The following SLC13A5 variants were observed in gnomAD, a reference collection of about 807,000 sequenced individuals.
The protein encoded by SLC13A5 is solute carrier family 13 member 5.
In SLC13A5, 25 loss-of-function variants were observed where a neutral mutation model predicts 56.5. That is an observed-to-expected ratio of 0.44 (90% CI 0.32 to 0.62). SLC13A5 has a LOEUF of 0.62. Ranked by LOEUF, SLC13A5 falls within the 20% of genes least tolerant of loss-of-function variation. The probability of loss-of-function intolerance (pLI) is 0.04; values close to 1 mark genes in which losing one functional copy is unlikely to be tolerated. For synonymous variants in SLC13A5, 307 were observed against 301.5 expected (o/e 1.02, Z -0.19); for missense variants, 649 against 737.8 (o/e 0.88, Z 1.39).
At chr17:6,706,986 G>C (rs1973887393) in intron 2 of SLC13A5, 42 bp downstream of exon 2, 1 of 1,611,278 alleles carries the variant, frequency 6.2e-7, no homozygotes. Context: ...AAGAGAGAAG[G>C]GGAGAACCAG....
rs1973277696 is a variant in SLC13A5, at chr17:6,687,454, T to C, written c.1575+75A>G. The C allele has an allele frequency of 6.3e-7, 1 of 1,587,856 alleles. No individual in the cohort carries two copies. Among genetic ancestry groups the C allele is most frequent in the South Asian group, 1.1e-5 (1 of 87,112 alleles). On this transcript the variant is annotated intron_variant, in intron 11 of 11. Transcript: ENST00000433363. This position sits in a 1 kb window ranked among gnomAD's most constrained non-coding sequence, Gnocchi z 5.0. ...CACATGACATCGTTTTGAAACTCTG[T>C]CATTCATAAATGGGGCATCCCTTAT...
At chr17:6,710,911 C>T (rs1974004063) in intron 1 of SLC13A5, among the ~76,000 whole-genome samples, 1 of 151,966 alleles carries the variant, frequency 6.6e-6, no homozygotes, top group Non-Finnish European at 1.5e-5. Context: ...AAACCTTTTA[C>T]ATTTTAATAA....
At chr17:6,699,081 AAAT>A (rs1380255457) in intron 6 of SLC13A5, among the ~76,000 whole-genome samples, 1,568 of 117,962 alleles carry the variant, frequency 0.013, 28 homozygotes, top group African/African-American at 0.046. Context: ...ATAAATAAAT[AAAT>A]AAATAAAATA....
intron 5 of SLC13A5, among the ~76,000 whole-genome samples, chr17:6,702,563 T>C (rs1443867267): frequency 4.6e-5 from 7 of 152,210 alleles, no homozygotes; most frequent in Non-Finnish European, 5.9e-5. Flanking sequence ...GGGAGTCTTT[T>C]AGAGGTGTCT....
chr17:6,693,178 A>AACACACACACACACACAC lies in SLC13A5; in HGVS notation c.1157-34_1157-17dup, dbSNP rs200900896. On this transcript the variant is annotated splice_polypyrimidine_tract_variant and intron_variant, in intron 8 of 11. Coordinates refer to ENST00000433363, the MANE Select transcript of SLC13A5 (RefSeq NM_177550.5). ...GTTTTCCTTTCTGGGAAGAAAAAGA[A>AACACACACACACACACAC]ACACACACACACACACACACACACA... 6.7e-5 allele frequency: 47 copies of AACACACACACACACACAC among 697,950 alleles called. No homozygotes were observed. Among genetic ancestry groups the AACACACACACACACACAC allele is most frequent in the Admixed American group, 3.6e-4 (13 of 36,276 alleles). 43.2% of individuals were successfully genotyped at this position (697,950 alleles called of 1,614,324 possible).
rs1234208123 is a variant in SLC13A5, at chr17:6,701,802, C to T, written c.717-676G>A. Among the ~76,000 whole-genome samples, 1 of 152,232 alleles carries T rather than the reference C, an allele frequency of 6.6e-6. No individual in the cohort carries two copies. The highest frequency in any genetic ancestry group is 1.9e-4 in the East Asian group (1 of 5,190). Reference sequence around the variant, plus strand: ...CTGCAGAGACCTCAGCAATCTCGCTCTGTGGGTTTCTGCAAAGAACGGTCC... The same window carrying T: ...CTGCAGAGACCTCAGCAATCTCGCTTTGTGGGTTTCTGCAAAGAACGGTCC... On this transcript the variant is annotated intron_variant, in intron 5 of 11. Coordinates refer to ENST00000433363, the MANE Select transcript of SLC13A5 (RefSeq NM_177550.5). This position sits in a 1 kb window ranked among gnomAD's most constrained non-coding sequence, Gnocchi z 4.1.
intron 3 of SLC13A5, 45 bp from the exon 4 acceptor site, chr17:6,704,101 A>C (rs1597673272): frequency 6.4e-7 from 1 of 1,568,980 alleles, no homozygotes; most frequent in Non-Finnish European, 8.6e-7. Flanking sequence ...TCCCCACCCC[A>C]CCCCCGTACT....
In SLC13A5 at chr17:6,687,401, G is replaced by T. The variant is rs1168370215; in HGVS notation, c.1575+128C>A. ...TTATAAATGTCAACAATGGCTACAG[G>T]TCTGGATGTTCCGTGGCATTCCCAA... On this transcript the variant is annotated intron_variant, in intron 11 of 11. Coordinates refer to ENST00000433363, the MANE Select transcript of SLC13A5 (RefSeq NM_177550.5). This position sits in a 1 kb window ranked among gnomAD's most constrained non-coding sequence, Gnocchi z 5.0. The T allele has an allele frequency of 5.5e-6, 7 of 1,262,232 alleles. No homozygotes were observed. The Admixed American group carries it at 1.2e-4, about 22-fold the overall frequency. The allele number at this position is 1,262,232 out of a possible 1,614,324, so 78.2% of individuals were successfully genotyped here.
intron 3 of SLC13A5, chr17:6,705,699 G>T (rs983143457): frequency 8.5e-5 from 13 of 152,180 alleles, no homozygotes; most frequent in African/African-American, 2.9e-4. Flanking sequence ...GTGTGCTCAG[G>T]GTCTAGCACA....
rs908193998 is a variant in SLC13A5 at position 6,687,477 on chromosome 17, T to C, written c.1575+52A>G. ...TGTCATTCATAAATGGGGCATCCCT[T>C]ATGACAACAGCGTTATAGTCCGACG... On this transcript the variant is annotated intron_variant, in intron 11 of 11. Coordinates refer to ENST00000433363, the MANE Select transcript of SLC13A5 (RefSeq NM_177550.5). The surrounding 1 kb of genome is among the most constrained non-coding windows in gnomAD (Gnocchi z 5.0). 6.2e-7 allele frequency: 1 copy of C among 1,604,582 alleles called. No homozygotes were observed. Among genetic ancestry groups the C allele is most frequent in the Non-Finnish European group, 8.5e-7 (1 of 1,176,790 alleles).
rs1160370914 is a variant in SLC13A5, at chr17:6,711,950, TCCAGGGCCTGTGCTAGGCCCAC to T, written c.102+1260_102+1281del. On this transcript the variant is annotated intron_variant, in intron 1 of 11. Transcript: ENST00000433363. This position sits in a 1 kb window ranked among gnomAD's most constrained non-coding sequence, Gnocchi z 4.0. Reference sequence around the variant, plus strand: ...AGTTGGATCTGCTGTCCTTGACCCATCCAGGGCCTGTGCTAGGCCCACCCAAGGGCTCCTCCCAGTCTCCCCC... The same window carrying T: ...AGTTGGATCTGCTGTCCTTGACCCATCCAAGGGCTCCTCCCAGTCTCCCCC... Among the ~76,000 whole-genome samples, 1 of 152,098 alleles carries T rather than the reference TCCAGGGCCTGTGCTAGGCCCAC, an allele frequency of 6.6e-6. No individual in the cohort carries two copies. Among genetic ancestry groups the T allele is most frequent in the Non-Finnish European group, 1.5e-5 (1 of 68,008 alleles).
chr17:6,702,948 GAAGGTGCGACC>G lies in SLC13A5; in HGVS notation c.716+11_716+21del, dbSNP rs554361040. 2.0e-3 allele frequency: 3,260 copies of G among 1,611,584 alleles called. 8 individuals are homozygous for G. Among genetic ancestry groups the G allele is most frequent in the Non-Finnish European group, 2.6e-3 (3,093 of 1,178,236 alleles). ...CCCGGTACCCACTTCGTTGTCCCCA[GAAGGTGCGACC>G]AAGGACTCACTCGTTCATCTGGCCC... On this transcript the variant is annotated intron_variant, in intron 5 of 11. Transcript: ENST00000433363.
At chr17:6,712,121 G>A (rs1296723461) in intron 1 of SLC13A5, among the ~76,000 whole-genome samples, 1 of 152,192 alleles carries the variant, frequency 6.6e-6, no homozygotes, top group African/African-American at 2.4e-5. Context: ...CAGGCACTTG[G>A]CTAAAGTCAC....
rs778880558 is a variant in SLC13A5 at position 6,690,854 on chromosome 17, C to G, written c.1362G>C (p.Leu454Phe). The G allele has an allele frequency of 4.3e-6, 7 of 1,614,224 alleles. No homozygotes were observed. Among genetic ancestry groups the G allele is most frequent in the Non-Finnish European group, 5.9e-6 (7 of 1,180,032 alleles). Residue 454 changes from leucine to phenylalanine, a missense_variant, in exon 10 of 12, where the codon TTG becomes TTC. Transcript: ENST00000433363. ...TGCACTCAGTGAACACGGCAACGAGCAAGGACAAGATCAAGGTGATGGCTG... is the reference window on the plus strand; with the variant it reads ...TGCACTCAGTGAACACGGCAACGAGGAAGGACAAGATCAAGGTGATGGCTG... ...PPAAITLILS[L>F]LVAVFTECTS...
At chr17:6,696,650 G>T (rs79697111) in intron 6 of SLC13A5, among the ~76,000 whole-genome samples, 1,586 of 152,186 alleles carry the variant, frequency 0.01, 24 homozygotes, top group African/African-American at 0.036. Flanking sequence ...AGGTGTAAAG[G>T]GGAGCTCAGC....
At position 6,694,079 on chromosome 17, in the gene SLC13A5, T is replaced by C; in HGVS notation, c.1156+18A>G. ...GGCTCCAGTCCTGATGACTGGGCGATCAGAACAGGAGACTTACCTTCCTCA... is the reference window on the plus strand; with the variant it reads ...GGCTCCAGTCCTGATGACTGGGCGACCAGAACAGGAGACTTACCTTCCTCA... On this transcript the variant is annotated intron_variant, in intron 8 of 11. Transcript: ENST00000433363. The C allele has an allele frequency of 6.3e-7, 1 of 1,575,830 alleles. No individual in the cohort carries two copies.
In SLC13A5 at chr17:6,687,433, T is replaced by A; in HGVS notation, c.1575+96A>T. On this transcript the variant is annotated intron_variant, in intron 11 of 11. Transcript: ENST00000433363. The surrounding 1 kb of genome is among the most constrained non-coding windows in gnomAD (Gnocchi z 5.0). Reference sequence around the variant, plus strand: ...TGTTCCGTGGCATTCCCAAGTCACATGACATCGTTTTGAAACTCTGTCATT... The same window carrying A: ...TGTTCCGTGGCATTCCCAAGTCACAAGACATCGTTTTGAAACTCTGTCATT... 1 of 1,553,660 alleles carries A rather than the reference T, an allele frequency of 6.4e-7. No individual in the cohort carries two copies.
In SLC13A5 at chr17:6,693,179, ACACACACAC is replaced by A. The variant is rs779239495; in HGVS notation, c.1157-26_1157-18del. ...TTTTCCTTTCTGGGAAGAAAAAGAA[ACACACACAC>A]ACACACACACACACACACACACACA... On this transcript the variant is annotated intron_variant, in intron 8 of 11. Transcript: ENST00000433363. 2 of 104,214 alleles carry A rather than the reference ACACACACAC, an allele frequency of 1.9e-5. No homozygotes were observed. The highest frequency in any genetic ancestry group is 8.8e-4 in the Middle Eastern group (1 of 1,130). 6.5% of individuals were successfully genotyped at this position (104,214 alleles called of 1,614,324 possible). A position where few individuals can be genotyped will look rare whatever the true frequency, so the allele number is the denominator to read the frequency against.
chr17:6,697,570 C>T (rs1597664944), intron 6 of SLC13A5, among the ~76,000 whole-genome samples: 1 of 152,230 alleles, frequency 6.6e-6, no homozygotes, highest in East Asian at 1.9e-4. Flanking sequence ...GTGGGGACCA[C>T]AGAGTCCTCC....
Sources: allele counts gnomAD v4.1 joint callset (sites outside exome capture counted in the v4.1 genomes callset), GRCh38; gene constraint gnomAD v4.1.1; non-coding constraint Gnocchi (gnomAD v3.1); transcripts MANE v1.5; gene names NCBI Gene and HGNC (gene_info 2026-07-23, HGNC 2026-07-21).